GNA12: variants seen among roughly 807,000 people sequenced by gnomAD.
GNA12 encodes the protein guanine nucleotide-binding protein subunit alpha-12.
In GNA12, 9 loss-of-function variants were observed where a neutral mutation model predicts 26.0. That is an observed-to-expected ratio of 0.35 (90% CI 0.21 to 0.60). GNA12 has a LOEUF of 0.60. Ranked by LOEUF, GNA12 falls within the 20% of genes least tolerant of loss-of-function variation. The pLI, the probability that GNA12 is intolerant of heterozygous loss-of-function variation, is 0.78. For synonymous variants in GNA12, 264 were observed against 219.6 expected (o/e 1.20, Z -1.79); for missense variants, 405 against 525.8 (o/e 0.77, Z 2.25).
chr7:2,800,785 G>A (rs1309175869), intron 1 of GNA12, among the ~76,000 whole-genome samples: 1 of 152,150 alleles, frequency 6.6e-6, no homozygotes, highest in Non-Finnish European at 1.5e-5. Flanking sequence ...AATCTACCTA[G>A]AGGGAAAATG....
At chr7:2,841,394 C>A (rs954862415) in intron 1 of GNA12, among the ~76,000 whole-genome samples, 9 of 152,120 alleles carry the variant, frequency 5.9e-5, no homozygotes, top group African/African-American at 2.2e-4. Context: ...TACTTTTATG[C>A]CTGCCTGGTT....
chr7:2,786,170 T>C (rs1023925199), intron 2 of GNA12, among the ~76,000 whole-genome samples: 3 of 152,190 alleles, frequency 2.0e-5, no homozygotes, highest in Non-Finnish European at 2.9e-5. Context: ...GACACAGTAC[T>C]ACATGCACAC....
intron 2 of GNA12, among the ~76,000 whole-genome samples, chr7:2,769,047 G>A (rs1015035537): frequency 6.6e-6 from 1 of 152,184 alleles, no homozygotes; most frequent in African/African-American, 2.4e-5. Flanking sequence ...GGGATTACAG[G>A]TGTGCACCAC....
intron 1 of GNA12, among the ~76,000 whole-genome samples, chr7:2,805,852 G>C (rs1792933910): frequency 6.6e-6 from 1 of 152,190 alleles, no homozygotes; most frequent in East Asian, 1.9e-4. Flanking sequence ...AGCCCAGCAA[G>C]AGACCATCTA....
At chr7:2,829,825 T>A (rs189259253) in intron 1 of GNA12, among the ~76,000 whole-genome samples, 1 of 152,338 alleles carries the variant, frequency 6.6e-6, no homozygotes, top group East Asian at 1.9e-4. Flanking sequence ...AGGCCAGTTT[T>A]TCCTGATTCT....
intron 2 of GNA12, chr7:2,763,264 T>G: frequency 3.5e-6 from 1 of 289,024 alleles, no homozygotes; most frequent in Non-Finnish European, 5.2e-6. Flanking sequence ...CACATTTGCC[T>G]TCCCAGGCCC....
At position 2,799,041 on chromosome 7, in the gene GNA12, T is replaced by C. The variant is rs575834816; in HGVS notation, c.310-3898A>G. Among the ~76,000 whole-genome samples, 17 of 152,282 alleles carry C rather than the reference T, an allele frequency of 1.1e-4. No homozygotes were observed. In the South Asian group the frequency reaches 3.5e-3, roughly 32 times the overall value. On this transcript the variant is annotated intron_variant, in intron 1 of 3. Transcript: ENST00000275364. ...TCAAATCAAAATGTAGAACTATATA[T>C]AACATAGGAGAATATCTTCAGGATG...
chr7:2,821,036 G>C lies in GNA12; in HGVS notation c.309+22817C>G, dbSNP rs139416865. On this transcript the variant is annotated intron_variant, in intron 1 of 3. Transcript: ENST00000275364. ...ATTACAGGCGTGAGCCACCGCGCCC[G>C]GCCTACATCCATGTTTTCATCAACA... 1.6e-3 allele frequency among the ~76,000 whole-genome samples: 238 copies of C among 152,304 alleles called. 1 individual carries two copies. Among genetic ancestry groups the C allele is most frequent in the African/African-American group, 5.4e-3 (226 of 41,564 alleles).
chr7:2,762,922 G>A, intron 2 of GNA12: 1 of 1,409,780 alleles, frequency 7.1e-7, no homozygotes, highest in Non-Finnish European at 9.3e-7. Context: ...GCCACAGGCG[G>A]GGACGCCCCA....
chr7:2,841,546 A>G (rs1019746476), intron 1 of GNA12, among the ~76,000 whole-genome samples: 35 of 152,234 alleles, frequency 2.3e-4, no homozygotes, highest in Admixed American at 8.5e-4. Flanking sequence ...AAGTTCACGA[A>G]GTATCTGACC....
intron 1 of GNA12, among the ~76,000 whole-genome samples, chr7:2,833,283 T>C (rs1305730597): frequency 6.6e-6 from 1 of 152,214 alleles, no homozygotes; most frequent in East Asian, 1.9e-4. Context: ...CTTCTTTGGT[T>C]TGAACATCAC....
chr7:2,813,436 G>C (rs181570161), intron 1 of GNA12, among the ~76,000 whole-genome samples: 1 of 152,348 alleles, frequency 6.6e-6, no homozygotes, highest in East Asian at 1.9e-4. Flanking sequence ...AGAGGGAACA[G>C]AAGTTCCCAG....
intron 2 of GNA12, among the ~76,000 whole-genome samples, chr7:2,765,401 C>T (rs1362469596): frequency 2.6e-5 from 4 of 151,980 alleles, no homozygotes; most frequent in African/African-American, 4.8e-5. Context: ...CCTCGTGATC[C>T]GCCCGCCTCG....
chr7:2,734,503 G>A (rs541139578), intron 2 of GNA12, among the ~76,000 whole-genome samples: 1 of 152,310 alleles, frequency 6.6e-6, no homozygotes, highest in South Asian at 2.1e-4. Flanking sequence ...TGACGCAGGA[G>A]AATTTTAAGG....
chr7:2,751,588 G>A (rs908884155), intron 2 of GNA12, among the ~76,000 whole-genome samples: 1 of 152,072 alleles, frequency 6.6e-6, no homozygotes, highest in African/African-American at 2.4e-5. Flanking sequence ...AAGGCCAAAT[G>A]TTGGTTCTTT....
At chr7:2,772,727 T>C (rs145452682) in intron 2 of GNA12, among the ~76,000 whole-genome samples, 33 of 152,298 alleles carry the variant, frequency 2.2e-4, no homozygotes, top group Middle Eastern at 3.4e-3. Context: ...CTGGAGAGAC[T>C]ATAAACCAGT....
intron 2 of GNA12, among the ~76,000 whole-genome samples, chr7:2,773,287 G>C (rs1283119158): frequency 3.9e-5 from 6 of 152,204 alleles, no homozygotes; most frequent in South Asian, 2.1e-4. Flanking sequence ...AACAAGGCTG[G>C]GGGCGGTGGC....
intron 2 of GNA12, among the ~76,000 whole-genome samples, chr7:2,785,546 ACT>A (rs1248043371): frequency 5.9e-5 from 9 of 152,234 alleles, no homozygotes; most frequent in Non-Finnish European, 1.2e-4. Flanking sequence ...ATCTGAAATA[ACT>A]CTATTTTCTC....
chr7:2,756,369 G>T (rs1251044167), intron 2 of GNA12, among the ~76,000 whole-genome samples: 4 of 152,168 alleles, frequency 2.6e-5, no homozygotes, highest in Non-Finnish European at 4.4e-5. Flanking sequence ...AAAAACATAG[G>T]ATGTCAGGTA....
Sources: gnomAD v4.1 joint callset for allele counts (sites outside exome capture counted in the v4.1 genomes callset) on GRCh38, gnomAD v4.1.1 for gene constraint, MANE v1.5 for transcripts, NCBI Gene and HGNC (gene_info 2026-07-23, HGNC 2026-07-21) for gene names.